Variants in NR6A1 observed in about 807,000 individuals in gnomAD.
NR6A1 encodes retinoic acid receptor-related testis-associated receptor.
NR6A1 carries 7 observed loss-of-function variants against 59.1 expected under a neutral mutation model. The ratio of observed to expected loss-of-function variants is 0.12; its 90% CI spans 0.07 to 0.22. The LOEUF (loss-of-function observed/expected upper bound fraction) is 0.22. Among genes scored for constraint, NR6A1 ranks in the 10% least tolerant of loss-of-function variants. NR6A1 has a pLI of 1.00. For synonymous variants in NR6A1, 243 were observed against 236.1 expected (o/e 1.03, Z -0.27); for missense variants, 468 against 611.6 (o/e 0.77, Z 2.48).
At chr9:124,524,546 AT>A (rs761413814) in intron 9 of NR6A1, among the ~76,000 whole-genome samples, 174 bp downstream of exon 9, 2 of 152,206 alleles carry the variant, frequency 1.3e-5, no homozygotes, top group Non-Finnish European at 2.9e-5. Context: ...TCTCTTCTCT[AT>A]GGAGAATGCA....
At chr9:124,552,329 T>G (rs1833803243) in intron 3 of NR6A1, among the ~76,000 whole-genome samples, 1 of 151,960 alleles carries the variant, frequency 6.6e-6, no homozygotes, top group South Asian at 2.1e-4. Flanking sequence ...AAGATTTCAA[T>G]AAGAGGAAAC....
chr9:124,746,589 A>G (rs1406656783), intron 1 of NR6A1, among the ~76,000 whole-genome samples: 1 of 152,212 alleles, frequency 6.6e-6, no homozygotes, highest in Non-Finnish European at 1.5e-5. Flanking sequence ...CTCCGTCTAA[A>G]AAAAGGAAAA....
chr9:124,580,356 C>A (rs146865818), intron 2 of NR6A1, among the ~76,000 whole-genome samples: 3 of 152,034 alleles, frequency 2.0e-5, no homozygotes, highest in African/African-American at 7.2e-5. Flanking sequence ...GAACAGGGAA[C>A]AGATCTGTAG....
chr9:124,574,265 G>GAC (rs1363488375), intron 2 of NR6A1, among the ~76,000 whole-genome samples: 3 of 152,164 alleles, frequency 2.0e-5, no homozygotes, highest in Non-Finnish European at 4.4e-5. Context: ...TAGAAATTAT[G>GAC]ACACTGGTTT....
At chr9:124,540,377 C>T (rs947402267) in intron 4 of NR6A1, among the ~76,000 whole-genome samples, 190 bp from the exon 5 acceptor site, 3 of 152,180 alleles carry the variant, frequency 2.0e-5, no homozygotes, top group African/African-American at 4.8e-5. Flanking sequence ...CATGGCCCTT[C>T]GTGGCCTTCC....
intron 2 of NR6A1, among the ~76,000 whole-genome samples, chr9:124,691,869 G>A (rs1320914749): frequency 6.6e-6 from 1 of 152,138 alleles, no homozygotes; most frequent in Non-Finnish European, 1.5e-5. Flanking sequence ...ATTATTATAG[G>A]CAAACAAGTA....
Position 124,520,187 on chromosome 9 carries a change from C to CA in NR6A1, c.*2517_*2518insT, listed in dbSNP as rs1832770955. ...TCCACGCTGCTAGCTACACTCCTACCTTCTCCTCATAATACCTGAGTTTGC... is the reference window on the plus strand; with the variant it reads ...TCCACGCTGCTAGCTACACTCCTACCATTCTCCTCATAATACCTGAGTTTGC... On this transcript the variant is annotated 3_prime_UTR_variant, in exon 10 of 10. Coordinates refer to ENST00000487099, the MANE Select transcript of NR6A1 (RefSeq NM_033334.4). The CA allele has an allele frequency of 6.6e-6, 1 of 152,106 alleles. No homozygotes were observed. 9.4% of individuals were successfully genotyped at this position (152,106 alleles called of 1,614,324 possible). A position where few individuals can be genotyped will look rare whatever the true frequency, so the allele number is the denominator to read the frequency against.
chr9:124,759,452 T>C (rs568131618), intron 1 of NR6A1, among the ~76,000 whole-genome samples: 1 of 152,198 alleles, frequency 6.6e-6, no homozygotes, highest in African/African-American at 2.4e-5. Flanking sequence ...ACTTAGATAT[T>C]GGCCCCAATT....
intron 2 of NR6A1, among the ~76,000 whole-genome samples, chr9:124,634,357 A>G (rs1216557820): frequency 6.6e-6 from 1 of 152,192 alleles, no homozygotes; most frequent in Non-Finnish European, 1.5e-5. Context: ...TTATTTTTCC[A>G]CAATTAACAT....
chr9:124,608,941 T>C (rs1358050044), intron 2 of NR6A1, among the ~76,000 whole-genome samples: 1 of 152,248 alleles, frequency 6.6e-6, no homozygotes, highest in Non-Finnish European at 1.5e-5. Context: ...ATAAATGTCT[T>C]ATTTTGAGAA....
intron 2 of NR6A1, among the ~76,000 whole-genome samples, chr9:124,564,106 A>G (rs1164058078): frequency 6.6e-6 from 1 of 152,222 alleles, no homozygotes; most frequent in African/African-American, 2.4e-5. Flanking sequence ...CAACAAAAAG[A>G]AAAATTCATC....
intron 2 of NR6A1, among the ~76,000 whole-genome samples, chr9:124,582,151 T>C (rs1834790906): frequency 1.3e-5 from 2 of 152,206 alleles, no homozygotes; most frequent in Middle Eastern, 3.4e-3. Flanking sequence ...CTATTCACAA[T>C]AGCAAAGATA....
intron 2 of NR6A1, among the ~76,000 whole-genome samples, chr9:124,570,284 CCT>C (rs1434655835): frequency 1.3e-5 from 2 of 152,192 alleles, no homozygotes; most frequent in African/African-American, 4.8e-5. Flanking sequence ...ATTCTAAAAC[CCT>C]CTTTGGAGAA....
intron 2 of NR6A1, among the ~76,000 whole-genome samples, chr9:124,650,431 T>A (rs1837064247): frequency 6.6e-6 from 1 of 151,938 alleles, no homozygotes; most frequent in African/African-American, 2.4e-5. Context: ...CACCAGAGGC[T>A]GGGAAGGGTA....
At chr9:124,598,808 G>C in intron 2 of NR6A1, 5 of 859,086 alleles carry the variant, frequency 5.8e-6, no homozygotes. Flanking sequence ...TTTTTTGCCG[G>C]ATCTTTTCTT....
chr9:124,530,347 C>T (rs952196371), intron 7 of NR6A1, among the ~76,000 whole-genome samples: 1 of 152,216 alleles, frequency 6.6e-6, no homozygotes, highest in Non-Finnish European at 1.5e-5. Context: ...CTCCACACCC[C>T]GCATCCCACC....
intron 2 of NR6A1, among the ~76,000 whole-genome samples, chr9:124,716,565 T>C (rs755901306): frequency 1.3e-5 from 2 of 152,046 alleles, no homozygotes; most frequent in Non-Finnish European, 1.5e-5. Flanking sequence ...GACGGACTTA[T>C]ATGTTATATG....
rs151233783 is a variant in NR6A1 at position 124,685,855 on chromosome 9, A to G, written c.142+47453T>C. ...TAGGTCCAAAAACAATAAACCAAGTATCAATAGTTTGCCCAAACTAGTACA... is the reference window on the plus strand; with the variant it reads ...TAGGTCCAAAAACAATAAACCAAGTGTCAATAGTTTGCCCAAACTAGTACA... On this transcript the variant is annotated intron_variant, in intron 2 of 9. Transcript: ENST00000487099. 5.3e-3 allele frequency among the ~76,000 whole-genome samples: 800 copies of G among 152,348 alleles called. 7 individuals are homozygous for G. Among genetic ancestry groups the G allele is most frequent in the African/African-American group, 0.018 (750 of 41,582 alleles).
chr9:124,684,495 C>T (rs561396332), intron 2 of NR6A1, among the ~76,000 whole-genome samples: 2 of 152,292 alleles, frequency 1.3e-5, no homozygotes, highest in African/African-American at 4.8e-5. Flanking sequence ...CTTCAAGACA[C>T]AAGGCAGCAG....
Sources: allele counts gnomAD v4.1 joint callset (sites outside exome capture counted in the v4.1 genomes callset), GRCh38; gene constraint gnomAD v4.1.1; transcripts MANE v1.5; gene names NCBI Gene and HGNC (gene_info 2026-07-23, HGNC 2026-07-21).